The following CDH13 variants were observed in gnomAD, a reference collection of about 807,000 sequenced individuals.
The protein encoded by CDH13 is cadherin-13.
In CDH13, 24 loss-of-function variants were observed where a neutral mutation model predicts 63.8. That is an observed-to-expected ratio of 0.38 (90% CI 0.27 to 0.53). CDH13 has a LOEUF of 0.53. CDH13 is among the 20% of genes least tolerant of loss of function. The pLI is 0.85. For missense variants in CDH13, 1,049 were observed against 903.1 expected (o/e 1.16, Z -2.07); for synonymous variants, 503 against 355.3 (o/e 1.42, Z -4.67).
chr16:83,529,922 A>G (rs569463669), intron 7 of CDH13, among the ~76,000 whole-genome samples: 1 of 152,332 alleles, frequency 6.6e-6, no homozygotes, highest in Admixed American at 6.5e-5. Flanking sequence ...ATAAAGGAAA[A>G]TTAGAAACTA....
At chr16:82,907,286 G>A (rs56370659) in intron 2 of CDH13, among the ~76,000 whole-genome samples, 21,511 of 152,026 alleles carry the variant, frequency 0.14, 1,683 homozygotes, top group African/African-American at 0.19. Context: ...GGCCCACAGT[G>A]ACCCCCGCTG....
At chr16:83,585,356 G>A (rs1207114188) in intron 7 of CDH13, among the ~76,000 whole-genome samples, 2 of 152,170 alleles carry the variant, frequency 1.3e-5, no homozygotes, top group African/African-American at 2.4e-5. Flanking sequence ...GGTTGGAGTC[G>A]TGTGAGAGTC....
chr16:83,528,767 T>A (rs1195908829), intron 7 of CDH13, among the ~76,000 whole-genome samples: 1 of 152,216 alleles, frequency 6.6e-6, no homozygotes, highest in Non-Finnish European at 1.5e-5. Flanking sequence ...GTGTTGTTTT[T>A]ATTCTAATTT....
intron 5 of CDH13, among the ~76,000 whole-genome samples, chr16:83,248,302 A>G (rs1209974627): frequency 3.3e-5 from 5 of 152,172 alleles, no homozygotes; most frequent in Admixed American, 6.5e-5. Context: ...AGGGGGGTAC[A>G]TAAAAATCCT....
At chr16:82,929,651 C>CA (rs71146097) in intron 2 of CDH13, among the ~76,000 whole-genome samples, 559 of 44,266 alleles carry the variant, frequency 0.013, 96 homozygotes, top group East Asian at 0.1. Flanking sequence ...GACTCCATCT[C>CA]AAAAAAAAAA....
intron 5 of CDH13, among the ~76,000 whole-genome samples, chr16:83,277,729 ACT>A (rs748991233): frequency 1.3e-5 from 2 of 151,894 alleles, no homozygotes; most frequent in African/African-American, 4.8e-5. Context: ...TGCAATAGCC[ACT>A]CTTTCTACTA....
intron 6 of CDH13, among the ~76,000 whole-genome samples, chr16:83,401,481 C>T (rs765611058): frequency 4.6e-5 from 7 of 152,032 alleles, no homozygotes; most frequent in Admixed American, 1.3e-4. Context: ...CACTGCACTC[C>T]AGCCTGGGTA....
chr16:83,118,161 G>A (rs1326304262), intron 3 of CDH13, among the ~76,000 whole-genome samples: 4 of 152,248 alleles, frequency 2.6e-5, no homozygotes, highest in South Asian at 2.1e-4. Flanking sequence ...CTGCTGTGGG[G>A]GGAATCCCAC....
chr16:83,599,051 C>A (rs1907533887), intron 7 of CDH13, among the ~76,000 whole-genome samples: 1 of 152,150 alleles, frequency 6.6e-6, no homozygotes, highest in African/African-American at 2.4e-5. Flanking sequence ...GTGGGGTCAG[C>A]CCCACCCACC....
chr16:82,682,464 C>T (rs1377299480), intron 1 of CDH13, among the ~76,000 whole-genome samples: 3 of 152,196 alleles, frequency 2.0e-5, no homozygotes, highest in East Asian at 1.9e-4. Flanking sequence ...AATGTGGTCC[C>T]TCAAGTTCTG....
At chr16:83,376,888 A>G (rs1272903764) in intron 6 of CDH13, among the ~76,000 whole-genome samples, 1 of 152,148 alleles carries the variant, frequency 6.6e-6, no homozygotes. Context: ...TGTCTCTTGC[A>G]ACGTTCACTC....
At chr16:83,545,509 C>T (rs1567753122) in intron 7 of CDH13, among the ~76,000 whole-genome samples, 3 of 152,164 alleles carry the variant, frequency 2.0e-5, no homozygotes, top group Non-Finnish European at 4.4e-5. Flanking sequence ...GGGGAAAGTC[C>T]ACTGCCTGGA....
chr16:83,320,755 C>A (rs550341896), intron 5 of CDH13, among the ~76,000 whole-genome samples: 2 of 152,122 alleles, frequency 1.3e-5, no homozygotes, highest in African/African-American at 4.8e-5. Flanking sequence ...GTAGACCAAG[C>A]GCAAGGAATG....
intron 8 of CDH13, among the ~76,000 whole-genome samples, chr16:83,660,727 C>G (rs59825967): frequency 5.9e-5 from 9 of 152,366 alleles, no homozygotes; most frequent in Admixed American, 2.0e-4. Flanking sequence ...AAAAGCCATT[C>G]TTCCTCCAGA....
At chr16:83,407,206 A>T (rs557268716) in intron 6 of CDH13, among the ~76,000 whole-genome samples, 115 of 152,374 alleles carry the variant, frequency 7.5e-4, no homozygotes, top group African/African-American at 2.6e-3. Context: ...CTCATTCAGC[A>T]CATGCTATTT....
chr16:82,905,535 T>C (rs151300730), intron 2 of CDH13, among the ~76,000 whole-genome samples: 38 of 152,010 alleles, frequency 2.5e-4, no homozygotes, highest in African/African-American at 8.2e-4. Flanking sequence ...AACAAAAATA[T>C]TCAAAATGAT....
chr16:83,537,022 G>A (rs2075204894), intron 7 of CDH13, among the ~76,000 whole-genome samples: 1 of 152,186 alleles, frequency 6.6e-6, no homozygotes, highest in Non-Finnish European at 1.5e-5. Context: ...TGAGAACTAA[G>A]GCAGAATTTT....
rs182612801 is a variant in CDH13 at position 83,108,601 on chromosome 16, T to A, written c.367-16784T>A. Among the ~76,000 whole-genome samples the A allele has an allele frequency of 4.0e-3, 605 of 152,200 alleles. 4 individuals are homozygous for A. Among genetic ancestry groups the A allele is most frequent in the African/African-American group, 0.014 (580 of 41,524 alleles). The stretch of plus-strand genomic sequence containing the variant: ...TCCCAGTGCACAGGTGGGCATTATA[T>A]AGAAAGAGTTGGTCGGGAAAGGGTG... On this transcript the variant is annotated intron_variant, in intron 3 of 13. Coordinates refer to ENST00000567109, the MANE Select transcript of CDH13 (RefSeq NM_001257.5).
chr16:83,674,818 G>C (rs536805144), intron 9 of CDH13, among the ~76,000 whole-genome samples: 1 of 152,328 alleles, frequency 6.6e-6, no homozygotes, highest in South Asian at 2.1e-4. Context: ...AAAACCACCA[G>C]AAAGTTATTC....
Sources: allele counts gnomAD v4.1 joint callset (sites outside exome capture counted in the v4.1 genomes callset), GRCh38; gene constraint gnomAD v4.1.1; transcripts MANE v1.5; gene names NCBI Gene and HGNC (gene_info 2026-07-23, HGNC 2026-07-21).